The following SLC5A12 variants were observed in gnomAD, a reference collection of about 807,000 sequenced individuals.
SLC5A12 encodes sodium-coupled monocarboxylate transporter 2.
Under a neutral mutation model 72.7 loss-of-function variants are expected in SLC5A12, and 46 were observed. The ratio of observed to expected loss-of-function variants is 0.63; its 90% CI spans 0.50 to 0.81. The LOEUF is 0.81. SLC5A12 is among the 30% of genes least tolerant of loss of function. SLC5A12 has a pLI of 0.00. For synonymous variants in SLC5A12, 275 were observed against 264.4 expected (o/e 1.04, Z -0.39); for missense variants, 683 against 740.7 (o/e 0.92, Z 0.90).
At chr11:26,680,410 T>TATATTCATATATATATGTATATATA (rs1565185861) in intron 12 of SLC5A12, among the ~76,000 whole-genome samples, 6 of 138,584 alleles carry the variant, frequency 4.3e-5, no homozygotes, top group Non-Finnish European at 9.4e-5. Context: ...TATATATATA[T>TATATTCATATATATATGTATATATA]TTCCTCATTT....
intron 1 of SLC5A12, among the ~76,000 whole-genome samples, chr11:26,715,143 G>A (rs1855320424): frequency 6.6e-6 from 1 of 152,146 alleles, no homozygotes; most frequent in Admixed American, 6.6e-5. Context: ...TGGATCAGAT[G>A]GTGGGAAGTA....
upstream of SLC5A12, chr11:26,723,247 T>A (rs951646735): frequency 6.6e-6 from 1 of 152,598 alleles, no homozygotes. Flanking sequence ...CTTTGCTTCA[T>A]GAATTTGAAT....
intron 11 of SLC5A12, 49 bp downstream of exon 11, chr11:26,683,708 T>A: frequency 1.4e-6 from 2 of 1,473,242 alleles, no homozygotes; most frequent in Non-Finnish European, 1.9e-6. Flanking sequence ...AGAAAACGGC[T>A]GGGCCCAGTT....
Position 26,711,337 on chromosome 11 carries a change from C to T in SLC5A12, c.427G>A (p.Val143Met). 1 of 1,611,828 alleles carries T rather than the reference C, an allele frequency of 6.2e-7. No homozygotes were observed. Among genetic ancestry groups the T allele is most frequent in the Non-Finnish European group, 8.5e-7 (1 of 1,178,596 alleles). ...VQTILYTGVV[V>M]YAPALALNQV... ...TTGAGTGCCAGGGCAGGAGCATACA[C>T]CACCACTCCTGTGTAGAGAATCTGG... is the stretch of plus-strand genomic sequence containing the variant. The change falls in exon 3 of 15, where the codon GTG becomes ATG. Residue 143 changes from valine (V) to methionine (M), a missense_variant. By Grantham distance (21) the Val-to-Met change is conservative. Transcript: ENST00000396005.
chr11:26,699,405 G>A lies in SLC5A12; in HGVS notation c.822-870C>T, dbSNP rs115120637. Among the ~76,000 whole-genome samples, 1,324 of 152,212 alleles carry A rather than the reference G, an allele frequency of 8.7e-3. 13 individuals carry two copies. The highest frequency in any genetic ancestry group is 0.03 in the African/African-American group (1,241 of 41,528). On this transcript the variant is annotated intron_variant, in intron 6 of 14. Transcript: ENST00000396005. The stretch of plus-strand genomic sequence containing the variant: ...TTCAAAATCCTCTAAAACCTATACC[G>A]TACAGGTGTACTTGATTTTCAGAAG...
chr11:26,682,345 C>T (rs868661678), intron 11 of SLC5A12, among the ~76,000 whole-genome samples: 2 of 152,108 alleles, frequency 1.3e-5, no homozygotes, highest in African/African-American at 2.4e-5. Flanking sequence ...TGAGGCATAT[C>T]GTTTGCTGAC....
chr11:26,691,563 T>C (rs990844552), intron 9 of SLC5A12: 6 of 152,042 alleles, frequency 3.9e-5, no homozygotes, highest in Non-Finnish European at 8.8e-5. Flanking sequence ...TACTGTATAA[T>C]CATTCAAATA....
Position 26,721,548 on chromosome 11 carries a change from G to A in SLC5A12, c.167C>T (p.Ser56Phe), listed in dbSNP as rs991601305. The change falls in exon 1 of 15, where the codon TCT becomes TTT. Residue 56 changes from serine to phenylalanine, a missense_variant. By Grantham distance (155) the Ser-to-Phe change is radical. Coordinates refer to ENST00000396005, the MANE Select transcript of SLC5A12 (RefSeq NM_178498.4). ...AGCTGACATGAAGCTGGCTGTCAGAGACAAGCCGACAGGGCCAAAGCTCAT... is the reference window on the plus strand; with the variant it reads ...AGCTGACATGAAGCTGGCTGTCAGAAACAAGCCGACAGGGCCAAAGCTCAT... ...RQMSFGPVGLSLTASFMSAVT... is the reference protein window; with the variant it reads ...RQMSFGPVGLFLTASFMSAVT... 1.2e-6 allele frequency: 2 copies of A among 1,614,152 alleles called. No homozygotes were observed. Among genetic ancestry groups the A allele is most frequent in the Non-Finnish European group, 1.7e-6 (2 of 1,180,012 alleles).
At chr11:26,691,729 T>C (rs528015379) in intron 9 of SLC5A12, 1 of 152,334 alleles carries the variant, frequency 6.6e-6, no homozygotes, top group South Asian at 2.1e-4. Context: ...TATTAGTAAG[T>C]AAATACATAA....
At chr11:26,705,782 G>C (rs569214611) in intron 4 of SLC5A12, among the ~76,000 whole-genome samples, 14 of 152,126 alleles carry the variant, frequency 9.2e-5, no homozygotes, top group African/African-American at 3.1e-4. Flanking sequence ...CTTGGCATTG[G>C]TTGTGCAGAA....
chr11:26,702,352 T>C (rs2133193365), intron 6 of SLC5A12, among the ~76,000 whole-genome samples: 1 of 152,324 alleles, frequency 6.6e-6, no homozygotes, highest in Non-Finnish European at 1.5e-5. Flanking sequence ...ACTTACAAAA[T>C]GGTTGAATCG....
intron 8 of SLC5A12, among the ~76,000 whole-genome samples, chr11:26,694,462 A>T (rs1854760564): frequency 6.6e-6 from 1 of 152,160 alleles, no homozygotes; most frequent in Non-Finnish European, 1.5e-5. Flanking sequence ...GGACGAAAGA[A>T]AGGACAGAGT....
intron 11 of SLC5A12, among the ~76,000 whole-genome samples, chr11:26,682,461 T>C (rs542480335): frequency 1.6e-4 from 25 of 152,098 alleles, no homozygotes; most frequent in Non-Finnish European, 1.5e-4. Flanking sequence ...TCTGAAGGTG[T>C]AGCCACATTC....
At chr11:26,697,325 A>C (rs1321675163) in intron 7 of SLC5A12, 73 bp from the exon 8 acceptor site, 3 of 1,346,418 alleles carry the variant, frequency 2.2e-6, no homozygotes, top group Non-Finnish European at 2.1e-6. Context: ...AGAGAGAGAA[A>C]AAAATAGGAT....
At position 26,721,964 on chromosome 11, in the gene SLC5A12, G is replaced by A; in HGVS notation, c.-250C>T. ...ACCAAGAGATGAGAATTTGAAATCTGACCCTAGCTAAGAGCTGTCTGCTCC... is the reference window on the plus strand; with the variant it reads ...ACCAAGAGATGAGAATTTGAAATCTAACCCTAGCTAAGAGCTGTCTGCTCC... On this transcript the variant is annotated 5_prime_UTR_variant, in exon 1 of 15. Coordinates refer to ENST00000396005, the MANE Select transcript of SLC5A12 (RefSeq NM_178498.4). 2.0e-6 allele frequency: 1 copy of A among 500,064 alleles called. No homozygotes were observed. The highest frequency in any genetic ancestry group is 3.6e-6 in the Non-Finnish European group (1 of 280,952). The allele number at this position is 500,064 out of a possible 1,614,324, so 31.0% of individuals were successfully genotyped here.
intron 12 of SLC5A12, among the ~76,000 whole-genome samples, chr11:26,680,318 T>A (rs529168635): frequency 1.0e-3 from 109 of 106,978 alleles, no homozygotes; most frequent in African/African-American, 1.9e-3. Context: ...TATATATATG[T>A]ATATATATTC....
chr11:26,697,084 G>T, intron 8 of SLC5A12, 80 bp downstream of exon 8: 2 of 1,219,358 alleles, frequency 1.6e-6, no homozygotes, highest in Non-Finnish European at 2.4e-6. Flanking sequence ...GTGAGTGCTT[G>T]CTAAATATTG....
At chr11:26,717,652 C>T (rs978682874) in intron 1 of SLC5A12, among the ~76,000 whole-genome samples, 63 of 152,246 alleles carry the variant, frequency 4.1e-4, no homozygotes, top group Non-Finnish European at 7.2e-4. Flanking sequence ...CTATATAACA[C>T]TCGCCTCCAA....
chr11:26,709,341 C>T lies in SLC5A12; in HGVS notation c.496G>A (p.Gly166Arg). 1.2e-6 allele frequency: 2 copies of T among 1,611,636 alleles called. No homozygotes were observed. Among genetic ancestry groups the T allele is most frequent in the South Asian group, 2.2e-5 (2 of 90,842 alleles). The change falls in exon 4 of 15, where the codon GGA (glycine) becomes AGA (arginine). Residue 166 changes from glycine to arginine, a missense_variant. By Grantham distance (125) the Gly-to-Arg change is moderately radical (BLOSUM62 -2). Coordinates refer to ENST00000396005, the MANE Select transcript of SLC5A12 (RefSeq NM_178498.4). ...FDLWGSVFAT[G>R]IVCTFYCTLG... ...GTACAGTAGAATGTGCAAACAATTCCTGTTGCAAACACAGAGCCCCAGAGA... is the reference window on the plus strand; with the variant it reads ...GTACAGTAGAATGTGCAAACAATTCTTGTTGCAAACACAGAGCCCCAGAGA...
Sources: gnomAD v4.1 joint callset for allele counts (sites outside exome capture counted in the v4.1 genomes callset) on GRCh38, gnomAD v4.1.1 for gene constraint, MANE v1.5 for transcripts, NCBI Gene and HGNC (gene_info 2026-07-23, HGNC 2026-07-21) for gene names.